The following CDH13 variants were observed in gnomAD, a reference collection of about 807,000 sequenced individuals.
CDH13 encodes cadherin 13.
In CDH13, 24 loss-of-function variants were observed where a neutral mutation model predicts 63.8. That is an observed-to-expected ratio of 0.38 (90% CI 0.27 to 0.53). The LOEUF is 0.53. Ranked by LOEUF, CDH13 falls within the 20% of genes least tolerant of loss-of-function variation. CDH13 has a pLI of 0.85. For missense variants in CDH13, 1,049 were observed against 903.1 expected (o/e 1.16, Z -2.07); for synonymous variants, 503 against 355.3 (o/e 1.42, Z -4.67).
chr16:82,750,781 A>T (rs1419191620), intron 1 of CDH13, among the ~76,000 whole-genome samples: 1 of 150,706 alleles, frequency 6.6e-6, no homozygotes, highest in East Asian at 2.0e-4. Context: ...GCTTAAGCTG[A>T]TTTTTTTTTT....
chr16:82,949,014 G>C (rs28670005), intron 2 of CDH13, among the ~76,000 whole-genome samples: 10,582 of 152,212 alleles, frequency 0.07, 1,183 homozygotes, highest in African/African-American at 0.23. Flanking sequence ...TTGTGAGAGA[G>C]TTTTCAAATC....
chr16:83,560,269 C>T (rs1408841444), intron 7 of CDH13, among the ~76,000 whole-genome samples: 1 of 152,180 alleles, frequency 6.6e-6, no homozygotes, highest in Non-Finnish European at 1.5e-5. Context: ...CCATAGTTTC[C>T]AGCTCTGAAA....
At chr16:83,096,264 T>C (rs767747445) in intron 3 of CDH13, among the ~76,000 whole-genome samples, 3 of 152,212 alleles carry the variant, frequency 2.0e-5, no homozygotes, top group Non-Finnish European at 4.4e-5. Flanking sequence ...CATCATGAGC[T>C]ATATAGTATT....
chr16:82,654,476 A>C (rs1311888370), intron 1 of CDH13, among the ~76,000 whole-genome samples: 2 of 152,208 alleles, frequency 1.3e-5, no homozygotes, highest in African/African-American at 2.4e-5. Flanking sequence ...CAATTAAATG[A>C]AGATTTAGAT....
At chr16:82,883,457 AT>A (rs1650981470) in intron 2 of CDH13, among the ~76,000 whole-genome samples, 1 of 152,206 alleles carries the variant, frequency 6.6e-6, no homozygotes, top group African/African-American at 2.4e-5. Context: ...CACAATGAGT[AT>A]GATCAGGCTG....
intron 6 of CDH13, among the ~76,000 whole-genome samples, chr16:83,411,939 G>T (rs1451437486): frequency 1.3e-5 from 2 of 152,174 alleles, no homozygotes; most frequent in African/African-American, 2.4e-5. Flanking sequence ...AGCGCATAAG[G>T]AGCAAATCTG....
intron 6 of CDH13, among the ~76,000 whole-genome samples, chr16:83,412,582 G>C (rs1387018089): frequency 1.3e-5 from 2 of 152,232 alleles, no homozygotes; most frequent in African/African-American, 2.4e-5. Flanking sequence ...TGGGAGGTGG[G>C]TCACCCATCT....
At chr16:83,551,708 G>A (rs2075502825) in intron 7 of CDH13, among the ~76,000 whole-genome samples, 1 of 152,072 alleles carries the variant, frequency 6.6e-6, no homozygotes, top group South Asian at 2.1e-4. Flanking sequence ...GTCCTCCCTT[G>A]GAGAAATAAA....
intron 8 of CDH13, among the ~76,000 whole-genome samples, chr16:83,635,464 C>T: frequency 6.6e-6 from 1 of 150,720 alleles, no homozygotes; most frequent in Non-Finnish European, 1.5e-5. Context: ...CTGCCTCAGC[C>T]TCCCGAGTAG....
intron 4 of CDH13, among the ~76,000 whole-genome samples, chr16:83,215,992 C>A (rs1019206930): frequency 6.6e-6 from 1 of 151,112 alleles, no homozygotes; most frequent in Non-Finnish European, 1.5e-5. Context: ...AGACCACCCC[C>A]CATACTTTGA....
At chr16:82,955,463 G>A (rs1303102563) in intron 2 of CDH13, among the ~76,000 whole-genome samples, 1 of 152,172 alleles carries the variant, frequency 6.6e-6, no homozygotes, top group Non-Finnish European at 1.5e-5. Context: ...TTATGATTAT[G>A]GGTTGCCTGG....
At chr16:83,654,801 A>G (rs917240630) in intron 8 of CDH13, 1 of 152,038 alleles carries the variant, frequency 6.6e-6, no homozygotes, top group Non-Finnish European at 1.5e-5. Context: ...CTGCCACCTG[A>G]TCCCTGCATG....
At chr16:83,154,213 C>G (rs1396612830) in intron 4 of CDH13, among the ~76,000 whole-genome samples, 1 of 152,014 alleles carries the variant, frequency 6.6e-6, no homozygotes, top group South Asian at 2.1e-4. Context: ...CTTCTTTAGC[C>G]TGAAACAGAG....
chr16:83,379,793 T>A (rs548653811), intron 6 of CDH13, among the ~76,000 whole-genome samples: 12 of 151,956 alleles, frequency 7.9e-5, no homozygotes, highest in African/African-American at 2.9e-4. Context: ...AATAAAAACT[T>A]TAAAAATAAA....
chr16:83,251,815 G>A (rs1905570834), intron 5 of CDH13, among the ~76,000 whole-genome samples: 1 of 152,092 alleles, frequency 6.6e-6, no homozygotes, highest in Admixed American at 6.5e-5. Flanking sequence ...ACCCTGCAAA[G>A]TCACCTGGCA....
intron 6 of CDH13, among the ~76,000 whole-genome samples, chr16:83,479,898 T>C (rs1051356979): frequency 1.3e-5 from 2 of 151,836 alleles, no homozygotes; most frequent in Non-Finnish European, 2.9e-5. Context: ...TGTGATGGAG[T>C]GAGAGGGTGT....
At chr16:82,695,163 C>G (rs2030114868) in intron 1 of CDH13, among the ~76,000 whole-genome samples, 1 of 152,094 alleles carries the variant, frequency 6.6e-6, no homozygotes, top group Non-Finnish European at 1.5e-5. Context: ...AGTCCAGACC[C>G]TGGGGGCCTT....
chr16:83,457,360 G>C (rs889220085), intron 6 of CDH13, among the ~76,000 whole-genome samples: 1 of 152,090 alleles, frequency 6.6e-6, no homozygotes, highest in Non-Finnish European at 1.5e-5. Flanking sequence ...CAGCCAGGCA[G>C]GGTGGGCACT....
intron 6 of CDH13, 31 bp downstream of exon 6, chr16:83,345,037 T>A (rs777976156): frequency 3.1e-6 from 5 of 1,606,136 alleles, no homozygotes; most frequent in Non-Finnish European, 1.7e-6. Context: ...TTTAGCGTAA[T>A]GGCTTGGAAA....
Sources: allele counts gnomAD v4.1 joint callset (sites outside exome capture counted in the v4.1 genomes callset), GRCh38; gene constraint gnomAD v4.1.1; transcripts MANE v1.5; gene names NCBI Gene and HGNC (gene_info 2026-07-23, HGNC 2026-07-21).